The following UBE2E2 variants were observed in gnomAD, a reference collection of about 807,000 sequenced individuals.
The protein encoded by UBE2E2 is ubiquitin-conjugating enzyme E2 E2.
In UBE2E2, 6 loss-of-function variants were observed where a neutral mutation model predicts 24.7. The ratio of observed to expected loss-of-function variants is 0.24; its 90% CI spans 0.13 to 0.48. The LOEUF (loss-of-function observed/expected upper bound fraction) is 0.48, where lower values mean the gene tolerates loss of function less well. Ranked by LOEUF, UBE2E2 falls within the 20% of genes least tolerant of loss-of-function variation. UBE2E2 has a pLI of 0.99. For synonymous variants in UBE2E2, 104 were observed against 83.6 expected (o/e 1.24, Z -1.33); for missense variants, 169 against 245.0 (o/e 0.69, Z 2.07).
In UBE2E2 at chr3:23,401,719, C is replaced by T. The variant is rs180934670; in HGVS notation, c.228-97889C>T. ...ATTTTTAGGTGGAGTCTTGCTCTGT[C>T]GCCTAGGCTGTAGTCCAGTGGCCCT... is the stretch of plus-strand genomic sequence containing the variant. On this transcript the variant is annotated intron_variant, in intron 3 of 5. Transcript: ENST00000396703. Among the ~76,000 whole-genome samples, 494 of 152,076 alleles carry T rather than the reference C, an allele frequency of 3.2e-3. 1 individual carries two copies. The highest frequency in any genetic ancestry group is 5.5e-3 in the Non-Finnish European group (375 of 67,978).
At chr3:23,255,826 C>T (rs1369060236) in intron 3 of UBE2E2, among the ~76,000 whole-genome samples, 1 of 152,082 alleles carries the variant, frequency 6.6e-6, no homozygotes. Context: ...TGGCCATGTG[C>T]AGTGGTGCAT....
Position 23,418,373 on chromosome 3 carries a change from C to T in UBE2E2, c.228-81235C>T, listed in dbSNP as rs544163493. Reference sequence around the variant, plus strand: ...TGCCCCACCCTCCATGGGCTGGATCCGCTGTGTAACCAGTCCCAGTAAGAT... The same window carrying T: ...TGCCCCACCCTCCATGGGCTGGATCTGCTGTGTAACCAGTCCCAGTAAGAT... On this transcript the variant is annotated intron_variant, in intron 3 of 5. Transcript: ENST00000396703. Among the ~76,000 whole-genome samples the T allele has an allele frequency of 1.4e-4, 21 of 152,288 alleles. No homozygotes were observed. The South Asian group carries it at 1.7e-3, about 12-fold the overall frequency.
chr3:23,492,221 T>C (rs1699515117), intron 3 of UBE2E2, among the ~76,000 whole-genome samples: 2 of 152,182 alleles, frequency 1.3e-5, no homozygotes, highest in Admixed American at 1.3e-4. Flanking sequence ...GCAGCTAGCT[T>C]CCAAAGGGAC....
intron 3 of UBE2E2, among the ~76,000 whole-genome samples, chr3:23,349,296 C>T (rs963172271): frequency 1.3e-5 from 2 of 152,188 alleles, no homozygotes; most frequent in African/African-American, 2.4e-5. Context: ...CAGCTCCCAG[C>T]GTGAGTGACG....
chr3:23,439,119 T>G (rs1052626490), intron 3 of UBE2E2, among the ~76,000 whole-genome samples: 5 of 152,244 alleles, frequency 3.3e-5, no homozygotes, highest in African/African-American at 1.2e-4. Flanking sequence ...AATAAGTTGA[T>G]TCAAAGAAAT....
intron 3 of UBE2E2, among the ~76,000 whole-genome samples, chr3:23,427,677 C>A (rs532307199): frequency 1.3e-5 from 2 of 152,266 alleles, no homozygotes; most frequent in South Asian, 4.1e-4. Context: ...AAGAATCCTA[C>A]TTTAAATATT....
At chr3:23,508,827 C>G (rs1280129628) in intron 4 of UBE2E2, among the ~76,000 whole-genome samples, 1 of 152,168 alleles carries the variant, frequency 6.6e-6, no homozygotes, top group Non-Finnish European at 1.5e-5. Flanking sequence ...GGATGTTCTT[C>G]CGCGGAGAAG....
intron 3 of UBE2E2, among the ~76,000 whole-genome samples, chr3:23,492,454 G>C (rs1021539197): frequency 2.0e-5 from 3 of 152,140 alleles, no homozygotes; most frequent in Non-Finnish European, 2.9e-5. Flanking sequence ...CTCCCTACCT[G>C]ATCAATCACA....
intron 5 of UBE2E2, among the ~76,000 whole-genome samples, chr3:23,571,631 G>C (rs939616450): frequency 3.9e-5 from 6 of 151,988 alleles, no homozygotes; most frequent in African/African-American, 7.2e-5. Flanking sequence ...AGCAAGGATC[G>C]TACAGACCGC....
At chr3:23,519,857 A>G (rs926977212) in intron 4 of UBE2E2, among the ~76,000 whole-genome samples, 5 of 142,882 alleles carry the variant, frequency 3.5e-5, no homozygotes, top group Admixed American at 6.9e-5. Context: ...TTTTTTTTTC[A>G]TTATTTTGTA....
intron 3 of UBE2E2, among the ~76,000 whole-genome samples, chr3:23,422,503 TAAAC>T (rs1166497410): frequency 1.3e-5 from 2 of 152,030 alleles, no homozygotes; most frequent in Non-Finnish European, 2.9e-5. Context: ...ACTGAGCAGA[TAAAC>T]AAGCATATCT....
At chr3:23,391,747 C>T (rs1162282124) in intron 3 of UBE2E2, among the ~76,000 whole-genome samples, 4 of 152,038 alleles carry the variant, frequency 2.6e-5, no homozygotes, top group Non-Finnish European at 5.9e-5. Flanking sequence ...GAGAAAACAG[C>T]CTCATCTCAG....
intron 4 of UBE2E2, among the ~76,000 whole-genome samples, chr3:23,524,567 C>T (rs1055739527): frequency 6.6e-6 from 1 of 152,114 alleles, no homozygotes; most frequent in African/African-American, 2.4e-5. Context: ...ACTCCCAAAC[C>T]CATATATTCT....
chr3:23,235,878 A>C (rs1291979321), intron 3 of UBE2E2, among the ~76,000 whole-genome samples: 2 of 152,156 alleles, frequency 1.3e-5, no homozygotes, highest in African/African-American at 4.8e-5. Flanking sequence ...GAAATGTCTG[A>C]GACATCCAAA....
intron 3 of UBE2E2, among the ~76,000 whole-genome samples, chr3:23,395,929 G>A (rs74731890): frequency 0.029 from 4,386 of 152,144 alleles, 108 homozygotes; most frequent in East Asian, 0.13. Flanking sequence ...GGAATTTCAT[G>A]CAACTCAATT....
intron 3 of UBE2E2, among the ~76,000 whole-genome samples, chr3:23,392,184 C>A (rs1480037035): frequency 6.6e-6 from 1 of 151,928 alleles, no homozygotes; most frequent in Non-Finnish European, 1.5e-5. Context: ...AATGGAAAGC[C>A]CTCTTTTAAA....
At chr3:23,535,900 C>T (rs1452140569) in intron 5 of UBE2E2, among the ~76,000 whole-genome samples, 1 of 152,132 alleles carries the variant, frequency 6.6e-6, no homozygotes, top group East Asian at 1.9e-4. Flanking sequence ...GGATGACAGG[C>T]GTGAGCCACC....
At chr3:23,468,900 G>T (rs950803739) in intron 3 of UBE2E2, among the ~76,000 whole-genome samples, 1 of 152,132 alleles carries the variant, frequency 6.6e-6, no homozygotes, top group Non-Finnish European at 1.5e-5. Context: ...TATATTGTGG[G>T]CATATACTAA....
intron 3 of UBE2E2, among the ~76,000 whole-genome samples, chr3:23,283,332 G>C (rs966994791): frequency 1.3e-5 from 2 of 152,078 alleles, no homozygotes; most frequent in Admixed American, 1.3e-4. Flanking sequence ...GACTTGAAGC[G>C]TGAACCCACT....
Sources: gnomAD v4.1 joint callset for allele counts (sites outside exome capture counted in the v4.1 genomes callset) on GRCh38, gnomAD v4.1.1 for gene constraint, MANE v1.5 for transcripts, NCBI Gene and HGNC (gene_info 2026-07-23, HGNC 2026-07-21) for gene names.